Variants in PRKCA observed in about 807,000 individuals in gnomAD.
PRKCA encodes the protein protein kinase C alpha type.
In PRKCA, 27 loss-of-function variants were observed where a neutral mutation model predicts 87.0. The observed-to-expected ratio is 0.31, with a 90% CI of 0.23 to 0.43. PRKCA has a LOEUF of 0.43. Ranked by LOEUF, PRKCA falls within the 20% of genes least tolerant of loss-of-function variation. PRKCA has a pLI of 1.00. For synonymous variants in PRKCA, 329 were observed against 311.1 expected (o/e 1.06, Z -0.61); for missense variants, 518 against 852.3 (o/e 0.61, Z 4.88).
chr17:66,403,460 A>C (rs1911156395), intron 2 of PRKCA, among the ~76,000 whole-genome samples: 2 of 152,202 alleles, frequency 1.3e-5, no homozygotes, highest in African/African-American at 4.8e-5. Flanking sequence ...TATAGCTCCT[A>C]AATAAGGTGT....
In PRKCA at chr17:66,792,854, G is replaced by A. The variant is rs1041035860; in HGVS notation, c.1854+3875G>A. ...ATGGCGGTGGTCATCTCTCCTGGCA[G>A]TGGCAAGCCTGGAGGCTGAGATGTG... On this transcript the variant is annotated intron_variant, in intron 16 of 16. Coordinates refer to ENST00000413366, the MANE Select transcript of PRKCA (RefSeq NM_002737.3). The surrounding 1 kb of genome is among the most constrained non-coding windows in gnomAD (Gnocchi z 4.5). Among the ~76,000 whole-genome samples the A allele has an allele frequency of 3.3e-5, 5 of 152,174 alleles. No homozygotes were observed. The highest frequency in any genetic ancestry group is 9.7e-5 in the African/African-American group (4 of 41,442).
At chr17:66,317,741 A>G (rs758680648) in intron 2 of PRKCA, among the ~76,000 whole-genome samples, 12 of 152,210 alleles carry the variant, frequency 7.9e-5, no homozygotes, top group Non-Finnish European at 1.3e-4. Context: ...AAAGACTTCC[A>G]TTAGCTTCCA....
rs552198796 is a variant in PRKCA, at chr17:66,808,010, T to G, written c.*3973T>G. The stretch of plus-strand genomic sequence containing the variant: ...AGAGAGTGTTTTGCCAGGGACACAG[T>G]CTGTTCCTCCTCAGAAAACACCCCC... On this transcript the variant is annotated 3_prime_UTR_variant, in exon 17 of 17. Transcript: ENST00000413366. 2 of 152,112 alleles carry G rather than the reference T, an allele frequency of 1.3e-5. No homozygotes were observed. Among genetic ancestry groups the G allele is most frequent in the African/African-American group, 4.8e-5 (2 of 41,386 alleles). The allele number at this position is 152,112 out of a possible 1,614,324, so 9.4% of individuals were successfully genotyped here. A position where few individuals can be genotyped will look rare whatever the true frequency, so the allele number is the denominator to read the frequency against.
intron 1 of PRKCA, 103 bp downstream of exon 1, chr17:66,303,127 C>T: frequency 1.4e-6 from 2 of 1,453,402 alleles, no homozygotes; most frequent in Admixed American, 2.3e-5. Flanking sequence ...ACTCCGATAA[C>T]TTGGAACCGG....
intron 8 of PRKCA, among the ~76,000 whole-genome samples, chr17:66,697,561 C>T (rs923343765): frequency 9.8e-5 from 15 of 152,314 alleles, no homozygotes; most frequent in Admixed American, 2.0e-4. Flanking sequence ...AAAGCAAGAG[C>T]ATAGTAAGTA....
intron 3 of PRKCA, among the ~76,000 whole-genome samples, chr17:66,630,949 G>A (rs1377440381): frequency 1.3e-5 from 2 of 152,068 alleles, no homozygotes; most frequent in African/African-American, 4.8e-5. Context: ...ATTACACCCG[G>A]CCCTGTTGAC....
chr17:66,427,150 G>A (rs1260126417), intron 2 of PRKCA, among the ~76,000 whole-genome samples: 1 of 152,070 alleles, frequency 6.6e-6, no homozygotes, highest in Admixed American at 6.5e-5. Flanking sequence ...TCCCACCTCA[G>A]CCTCCTAAGT....
intron 3 of PRKCA, among the ~76,000 whole-genome samples, chr17:66,554,810 G>A (rs1968445718): frequency 6.6e-6 from 1 of 151,670 alleles, no homozygotes. Context: ...CTAAACACTT[G>A]TAGTACTGTG....
intron 2 of PRKCA, among the ~76,000 whole-genome samples, chr17:66,345,326 A>G (rs566352441): frequency 6.6e-6 from 1 of 152,298 alleles, no homozygotes; most frequent in East Asian, 1.9e-4. Context: ...TAGGAAGTTG[A>G]ATTTCTGAAG....
intron 3 of PRKCA, among the ~76,000 whole-genome samples, chr17:66,576,062 C>T (rs769370413): frequency 7.2e-5 from 11 of 152,014 alleles, no homozygotes; most frequent in Non-Finnish European, 1.2e-4. Flanking sequence ...TGCAGTGAGC[C>T]GAGATTGTGC....
intron 5 of PRKCA, among the ~76,000 whole-genome samples, chr17:66,662,032 A>G (rs16959890): frequency 0.15 from 23,148 of 152,262 alleles, 2,013 homozygotes; most frequent in East Asian, 0.3. Context: ...CATGCTAACA[A>G]TGCCTCCAGG....
chr17:66,675,776 G>A (rs532244498), intron 5 of PRKCA, among the ~76,000 whole-genome samples: 5 of 152,256 alleles, frequency 3.3e-5, no homozygotes, highest in African/African-American at 1.2e-4. Context: ...GCCTGCCTGG[G>A]CCCCTTCTCC....
At chr17:66,354,625 G>T (rs1214639399) in intron 2 of PRKCA, among the ~76,000 whole-genome samples, 1 of 152,132 alleles carries the variant, frequency 6.6e-6, no homozygotes, top group East Asian at 1.9e-4. Flanking sequence ...ACAGAAAACA[G>T]GGCTGCCCCC....
At chr17:66,402,132 T>C (rs1343688450) in intron 2 of PRKCA, among the ~76,000 whole-genome samples, 1 of 152,086 alleles carries the variant, frequency 6.6e-6, no homozygotes, top group Non-Finnish European at 1.5e-5. Flanking sequence ...GGTTCCAGAA[T>C]GAGTGAGTGG....
chr17:66,555,047 T>G (rs1199330503), intron 3 of PRKCA, among the ~76,000 whole-genome samples: 1 of 151,866 alleles, frequency 6.6e-6, no homozygotes, highest in Non-Finnish European at 1.5e-5. Context: ...CCGGCCAAGT[T>G]TTTGTATTTT....
At position 66,799,660 on chromosome 17, in the gene PRKCA, G is replaced by A. The variant is rs1394423723; in HGVS notation, c.1855-4213G>A. On this transcript the variant is annotated intron_variant, in intron 16 of 16. Coordinates refer to ENST00000413366, the MANE Select transcript of PRKCA (RefSeq NM_002737.3). ...TGGTGGTGATGGTGGTGGTAGTGAC[G>A]GTGGTGGTGGTGGTGGTGGTAATGG... is the stretch of plus-strand genomic sequence containing the variant. Among the ~76,000 whole-genome samples, 92 of 84,444 alleles carry A rather than the reference G, an allele frequency of 1.1e-3. 1 individual carries two copies. The highest frequency in any genetic ancestry group is 1.8e-3 in the Non-Finnish European group (75 of 40,624). The allele number at this position is 84,444 out of a possible 152,430, so 55.4% of individuals were successfully genotyped here.
At chr17:66,375,182 C>T (rs758347648) in intron 2 of PRKCA, among the ~76,000 whole-genome samples, 2 of 152,040 alleles carry the variant, frequency 1.3e-5, no homozygotes, top group African/African-American at 2.4e-5. Flanking sequence ...GAGGATTAAG[C>T]GTCGAGGGAG....
intron 3 of PRKCA, among the ~76,000 whole-genome samples, chr17:66,579,064 C>G (rs75809435): frequency 0.02 from 3,028 of 152,248 alleles, 114 homozygotes; most frequent in African/African-American, 0.068. Flanking sequence ...GCTTTCTGCT[C>G]GGAGCATGTG....
At position 66,380,974 on chromosome 17, in the gene PRKCA, C is replaced by T. The variant is rs937772905; in HGVS notation, c.205+74847C>T. Among the ~76,000 whole-genome samples, 6 of 141,150 alleles carry T rather than the reference C, an allele frequency of 4.3e-5. No individual in the cohort carries two copies. In the East Asian group the frequency reaches 1.0e-3, roughly 24 times the overall value. 92.6% of individuals were successfully genotyped at this position (141,150 alleles called of 152,430 possible). ...TTTTTTTTGGAGACAGGGTCTCTTTCTGTCACTCACGCTAGAGTACAGTGG... is the reference window on the plus strand; with the variant it reads ...TTTTTTTTGGAGACAGGGTCTCTTTTTGTCACTCACGCTAGAGTACAGTGG... On this transcript the variant is annotated intron_variant, in intron 2 of 16. Transcript: ENST00000413366.
Sources: allele counts gnomAD v4.1 joint callset (sites outside exome capture counted in the v4.1 genomes callset), GRCh38; gene constraint gnomAD v4.1.1; non-coding constraint Gnocchi (gnomAD v3.1); transcripts MANE v1.5; gene names NCBI Gene and HGNC (gene_info 2026-07-23, HGNC 2026-07-21).